The following TOPBP1 variants were observed in gnomAD, a reference collection of about 807,000 sequenced individuals.
TOPBP1 encodes the protein DNA topoisomerase II binding protein 1.
TOPBP1 carries 28 observed loss-of-function variants against 167.7 expected under a neutral mutation model. That is an observed-to-expected ratio of 0.17 (90% CI 0.12 to 0.23). The LOEUF is 0.23. Ranked by LOEUF, TOPBP1 falls within the 10% of genes least tolerant of loss-of-function variation. TOPBP1 has a pLI of 1.00. For synonymous variants in TOPBP1, 598 were observed against 611.4 expected, an observed-to-expected ratio of 0.98 and a Z score of 0.32; for missense variants, 1,554 against 1,809.6, an observed-to-expected ratio of 0.86 and a Z score of 2.56.
chr3:133,629,215 A>T (rs1484351602), intron 14 of TOPBP1, among the ~76,000 whole-genome samples: 2 of 152,240 alleles, frequency 1.3e-5, no homozygotes, highest in South Asian at 4.1e-4. Flanking sequence ...AGCCACCAAC[A>T]GTTCCCTCCT....
chr3:133,649,673 T>C (rs1263014756), intron 9 of TOPBP1, 40 bp from the exon 10 acceptor site: 2 of 1,603,440 alleles, frequency 1.2e-6, no homozygotes, highest in Non-Finnish European at 1.7e-6. Context: ...GTGCAAGCTA[T>C]AAAGACCATC....
chr3:133,645,135 C>A (rs1936032079), intron 10 of TOPBP1, among the ~76,000 whole-genome samples: 1 of 152,168 alleles, frequency 6.6e-6, no homozygotes, highest in African/African-American at 2.4e-5. Flanking sequence ...GTACTTCTAT[C>A]CTCATCTCCA....
Position 133,657,934 on chromosome 3 carries a change from C to T in TOPBP1, c.227G>A (p.Cys76Tyr). 6.4e-7 allele frequency: 1 copy of T among 1,553,074 alleles called. No homozygotes were observed. The highest frequency in any genetic ancestry group is 2.2e-5 in the Admixed American group (1 of 44,784). Residue 76 changes from cysteine to tyrosine, a missense_variant, in exon 4 of 28, where the codon TGC (cysteine) becomes TAC (tyrosine). This residue lies in a region of TOPBP1 where 1,197 missense variants were observed against 1,351.5 expected (regional missense o/e 0.89). Transcript: ENST00000260810. ...VVFDHLKKLG[C>Y]RIVGPQVVIF... Reference sequence around the variant, plus strand: ...GACTACTTGAGGACCAACAATTCTGCAGCCAAGCTACAAAAAAGAGAAAAG... The same window carrying T: ...GACTACTTGAGGACCAACAATTCTGTAGCCAAGCTACAAAAAAGAGAAAAG...
In TOPBP1 at chr3:133,643,172, C is replaced by A. The variant is rs753408404; in HGVS notation, c.2021+28G>T. ...AAATAAATAAAAAGATACACCAATA[C>A]AACAGGTGCATTAAAAATATTACAT... On this transcript the variant is annotated intron_variant, in intron 12 of 27. Coordinates refer to ENST00000260810, the MANE Select transcript of TOPBP1 (RefSeq NM_007027.4). 17 of 1,535,686 alleles carry A rather than the reference C, an allele frequency of 1.1e-5. 1 individual carries two copies. The East Asian group carries it at 4.0e-4, about 36-fold the overall frequency.
intron 13 of TOPBP1, 30 bp downstream of exon 13, chr3:133,639,929 T>C (rs1935835615): frequency 6.3e-7 from 1 of 1,591,864 alleles, no homozygotes; most frequent in Non-Finnish European, 8.6e-7. Flanking sequence ...GTTGTAAATA[T>C]ATATAAAAGA....
At chr3:133,657,236 C>T (rs1046046223) in intron 4 of TOPBP1, among the ~76,000 whole-genome samples, 4 of 151,384 alleles carry the variant, frequency 2.6e-5, no homozygotes, top group Admixed American at 1.3e-4. Context: ...TCCAGCTACT[C>T]GGGAGGCTGA....
chr3:133,631,564 A>G (rs1935481510), intron 14 of TOPBP1, among the ~76,000 whole-genome samples: 1 of 152,076 alleles, frequency 6.6e-6, no homozygotes, highest in South Asian at 2.1e-4. Context: ...GTAATCCCCA[A>G]TGATGGAGGA....
intron 14 of TOPBP1, among the ~76,000 whole-genome samples, chr3:133,637,345 G>A (rs1576301923): frequency 6.6e-6 from 1 of 152,014 alleles, no homozygotes; most frequent in Non-Finnish European, 1.5e-5. Context: ...TTCAGAAAGG[G>A]AGCCATACTA....
chr3:133,603,901 T>A (rs964151278), intron 27 of TOPBP1, among the ~76,000 whole-genome samples: 31 of 152,020 alleles, frequency 2.0e-4, no homozygotes, highest in Admixed American at 1.5e-3. Flanking sequence ...ACATATATGA[T>A]ATGTTCATTA....
chr3:133,653,521 T>C lies in TOPBP1; in HGVS notation c.746A>G (p.Gln249Arg), dbSNP rs1220172762. The part of the protein sequence containing the change: ...THLIVQEPKG[Q>R]KYECAKRWNV... Reference sequence around the variant, plus strand: ...CCATCTCTTGGCACACTCATACTTCTGACCTGTGGCGTTCATTAAGAAAGA... The same window carrying C: ...CCATCTCTTGGCACACTCATACTTCCGACCTGTGGCGTTCATTAAGAAAGA... The change falls in exon 7 of 28, where the codon CAG (glutamine) becomes CGG (arginine). Residue 249 changes from glutamine (Q) to arginine (R), a missense_variant. Gln to Arg is a conservative substitution (Grantham distance 43, BLOSUM62 1). Around this residue, in one of 3 missense-constraint regions of TOPBP1, gnomAD observed 1,197 missense variants for 1,351.5 expected, o/e 0.89. Coordinates refer to ENST00000260810, the MANE Select transcript of TOPBP1 (RefSeq NM_007027.4). 3.9e-6 allele frequency: 6 copies of C among 1,551,114 alleles called. No individual in the cohort carries two copies. The South Asian group carries it at 7.4e-5, about 19-fold the overall frequency.
chr3:133,613,314 T>C (rs546376413), intron 23 of TOPBP1, among the ~76,000 whole-genome samples: 1 of 152,352 alleles, frequency 6.6e-6, no homozygotes, highest in East Asian at 1.9e-4. Context: ...GCTGTCTCAG[T>C]ACTAAATCCT....
chr3:133,661,256 C>G, intron 1 of TOPBP1, 122 bp from the exon 2 acceptor site: 1 of 663,652 alleles, frequency 1.5e-6, no homozygotes, highest in Non-Finnish European at 2.4e-6. Flanking sequence ...TGGCTCTGCC[C>G]GTGAATTCGT....
At chr3:133,602,243 A>C (rs939401490) in intron 27 of TOPBP1, among the ~76,000 whole-genome samples, 6 of 152,230 alleles carry the variant, frequency 3.9e-5, no homozygotes, top group African/African-American at 1.4e-4. Context: ...GCCAGCAGAC[A>C]GTGAAGTCTT....
chr3:133,650,086 T>C lies in TOPBP1; in HGVS notation c.1090-143A>G, dbSNP rs1240599276. 4 of 736,054 alleles carry C rather than the reference T, an allele frequency of 5.4e-6. No homozygotes were observed. In the South Asian group the frequency reaches 1.1e-4, roughly 21 times the overall value. 45.6% of individuals were successfully genotyped at this position (736,054 alleles called of 1,614,324 possible). On this transcript the variant is annotated intron_variant, in intron 8 of 27. Coordinates refer to ENST00000260810, the MANE Select transcript of TOPBP1 (RefSeq NM_007027.4). ...TATGAATAAATACATTCTGAAACTT[T>C]TGATTTTTTAACAGTTCTGCAACTT...
In TOPBP1 at chr3:133,608,674, G is replaced by A. The variant is rs773869381; in HGVS notation, c.4286C>T (p.Pro1429Leu). The change falls in exon 27 of 28, where the codon CCT becomes CTT. Residue 1429 changes from proline (P) to leucine (L), a missense_variant. Pro to Leu is a moderately conservative substitution (Grantham distance 98). Around this residue, in one of 3 missense-constraint regions of TOPBP1, gnomAD observed 351 missense variants for 432.9 expected, o/e 0.81. Coordinates refer to ENST00000260810, the MANE Select transcript of TOPBP1 (RefSeq NM_007027.4). ...AAGATGTGTGGCCTCTTTAAATAAA[G>A]GTACAGAATGACCAGGTAGCACCTA... The part of the protein sequence containing the change: ...GAKVLPGHSV[P>L]LFKEATHLFS... 12 of 1,613,248 alleles carry A rather than the reference G, an allele frequency of 7.4e-6. No individual in the cohort carries two copies. The South Asian group carries it at 1.3e-4, about 18-fold the overall frequency.
chr3:133,611,179 C>T, intron 24 of TOPBP1, 38 bp from the exon 25 acceptor site: 1 of 1,591,932 alleles, frequency 6.3e-7, no homozygotes, highest in Non-Finnish European at 8.6e-7. Flanking sequence ...TTGTTACAGT[C>T]TGGGGAGCCA....
In TOPBP1 at chr3:133,657,233, A is replaced by G. The variant is rs956715172; in HGVS notation, c.364-376T>C. On this transcript the variant is annotated intron_variant, in intron 4 of 27. Transcript: ENST00000260810. ...GTGGTGCATGCCTGTAATTCCAGCTACTCGGGAGGCTGAGGCATGAAGATT... is the reference window on the plus strand; with the variant it reads ...GTGGTGCATGCCTGTAATTCCAGCTGCTCGGGAGGCTGAGGCATGAAGATT... Among the ~76,000 whole-genome samples, 10 of 151,638 alleles carry G rather than the reference A, an allele frequency of 6.6e-5. No homozygotes were observed. In the East Asian group the frequency reaches 1.5e-3, roughly 23 times the overall value.
intron 19 of TOPBP1, among the ~76,000 whole-genome samples, chr3:133,621,596 C>A (rs1268342473): frequency 6.6e-6 from 1 of 152,168 alleles, no homozygotes; most frequent in African/African-American, 2.4e-5. Context: ...ACATAAGGAA[C>A]TTAAGCATCT....
intron 13 of TOPBP1, among the ~76,000 whole-genome samples, chr3:133,638,576 A>C (rs974604047): frequency 6.6e-6 from 1 of 152,188 alleles, no homozygotes; most frequent in Admixed American, 6.5e-5. Flanking sequence ...AGTTAACTAC[A>C]GTCTAGTTTT....
Sources: gnomAD v4.1 joint callset for allele counts (sites outside exome capture counted in the v4.1 genomes callset) on GRCh38, gnomAD v4.1.1 for gene constraint, gnomAD v4.1.1 regional missense constraint, MANE v1.5 for transcripts, NCBI Gene and HGNC (gene_info 2026-07-23, HGNC 2026-07-21) for gene names.